Variants in ZFHX3 observed in about 807,000 individuals in gnomAD.
The protein encoded by ZFHX3 is zinc finger homeobox protein 3.
In ZFHX3, 42 loss-of-function variants were observed where a neutral mutation model predicts 279.1. The observed-to-expected ratio is 0.15, with a 90% CI of 0.12 to 0.19. The LOEUF (loss-of-function observed/expected upper bound fraction) is 0.19, where lower values mean the gene tolerates loss of function less well. Ranked by LOEUF, ZFHX3 falls within the 10% of genes least tolerant of loss-of-function variation. The pLI, the probability that ZFHX3 is intolerant of heterozygous loss-of-function variation, is 1.00. For synonymous variants in ZFHX3, 2,293 were observed against 1,957.8 expected (o/e 1.17, Z -4.52); for missense variants, 4,981 against 4,754.0 (o/e 1.05, Z -1.40).
At chr16:73,017,001 G>A (rs1012372675) in intron 1 of ZFHX3, among the ~76,000 whole-genome samples, 1 of 151,978 alleles carries the variant, frequency 6.6e-6, no homozygotes, top group Admixed American at 6.5e-5. Flanking sequence ...CAAGGTGGAA[G>A]GTTCACTTGA....
chr16:72,805,020 C>T (rs1056473834), intron 7 of ZFHX3, among the ~76,000 whole-genome samples: 4 of 152,082 alleles, frequency 2.6e-5, no homozygotes, highest in Non-Finnish European at 4.4e-5. Context: ...CTCTGTTGCC[C>T]AGGCTGAAGT....
chr16:72,983,859 C>T (rs1411122547), intron 1 of ZFHX3, among the ~76,000 whole-genome samples: 1 of 152,220 alleles, frequency 6.6e-6, no homozygotes, highest in Non-Finnish European at 1.5e-5. Context: ...AGTGTGGGTA[C>T]AGGGTAAGGC....
intron 1 of ZFHX3, among the ~76,000 whole-genome samples, chr16:73,704,018 A>G (rs2053278308): frequency 6.6e-6 from 1 of 152,194 alleles, no homozygotes; most frequent in Non-Finnish European, 1.5e-5. Context: ...AAGTGTAGAC[A>G]TCTGTAGATG....
At position 73,354,452 on chromosome 16, in the gene ZFHX3, G is replaced by A. The variant is rs571045977; in HGVS notation, c.-1290-36116C>T. Among the ~76,000 whole-genome samples, 3 of 152,280 alleles carry A rather than the reference G, an allele frequency of 2.0e-5. No homozygotes were observed. In the South Asian group the frequency reaches 6.2e-4, roughly 32 times the overall value. ...CCCGAGTAGAATCTCAGGCATGTAC[G>A]ATGACTGCCCAGCTCTGTGCTGGGG... is the stretch of plus-strand genomic sequence containing the variant. On this transcript the variant is annotated intron_variant, in intron 3 of 17. Coordinates refer to the ZFHX3 transcript ENST00000641206.
intron 1 of ZFHX3, among the ~76,000 whole-genome samples, chr16:73,701,667 TA>T (rs530186087): frequency 6.6e-6 from 1 of 152,332 alleles, no homozygotes; most frequent in Admixed American, 6.5e-5. Context: ...AATTTAATTA[TA>T]AACGCCTTTG....
chr16:72,819,940 A>C (rs1279924180), intron 5 of ZFHX3, among the ~76,000 whole-genome samples: 1 of 152,226 alleles, frequency 6.6e-6, no homozygotes, highest in Non-Finnish European at 1.5e-5. Flanking sequence ...AGCCTCTGTG[A>C]AAAGAGGGCA....
chr16:73,371,391 ATTT>A (rs939214006), intron 3 of ZFHX3, among the ~76,000 whole-genome samples: 2 of 150,908 alleles, frequency 1.3e-5, no homozygotes, highest in African/African-American at 4.9e-5. Flanking sequence ...CCAATTTTTT[ATTT>A]TATTTTTTGA....
intron 3 of ZFHX3, among the ~76,000 whole-genome samples, chr16:72,913,529 T>C (rs1337343591): frequency 6.6e-6 from 1 of 152,186 alleles, no homozygotes; most frequent in African/African-American, 2.4e-5. Flanking sequence ...CATCAGGGGC[T>C]ATGTGACATC....
chr16:72,796,823 G>A lies in ZFHX3; in HGVS notation c.5859C>T (p.Gly1953=). The A allele has an allele frequency of 6.8e-6, 11 of 1,613,388 alleles. No individual in the cohort carries two copies. Among genetic ancestry groups the A allele is most frequent in the Non-Finnish European group, 8.5e-6 (10 of 1,179,912 alleles). Residue 1953 remains glycine, a synonymous_variant, in exon 9 of 10, where the codon GGC becomes GGT. Coordinates refer to ENST00000268489, the MANE Select transcript of ZFHX3 (RefSeq NM_006885.4). ...NATKALLENF[G]FELVIQYNEN... ...CATTATACTGGATGACCAACTCAAA[G>A]CCAAAGTTCTCCAGCAGGGCCTTGG...
intron 1 of ZFHX3, among the ~76,000 whole-genome samples, chr16:73,875,220 A>T (rs1897286024): frequency 6.6e-6 from 1 of 152,206 alleles, no homozygotes; most frequent in African/African-American, 2.4e-5. Context: ...TCTGAGGAAT[A>T]ATCAGCCATT....
intron 1 of ZFHX3, among the ~76,000 whole-genome samples, chr16:73,038,897 A>T (rs1015391963): frequency 6.6e-6 from 1 of 151,874 alleles, no homozygotes; most frequent in African/African-American, 2.4e-5. Context: ...TCCTGGGCTC[A>T]AGCAATCCAC....
Position 73,448,212 on chromosome 16 carries a change from GATA to G in ZFHX3, c.-1291+7788_-1291+7790del, listed in dbSNP as rs147309648. ...CAAAAGATTATACATTAAGGTTGAGGATAATAACTTTAAAAAGGGAATGAGGTA... is the reference window on the plus strand; with the variant it reads ...CAAAAGATTATACATTAAGGTTGAGGATAACTTTAAAAAGGGAATGAGGTA... On this transcript the variant is annotated intron_variant, in intron 3 of 17. Transcript: ENST00000641206. Among the ~76,000 whole-genome samples, 498 of 152,214 alleles carry G rather than the reference GATA, an allele frequency of 3.3e-3. 3 individuals are homozygous for G. The highest frequency in any genetic ancestry group is 0.011 in the African/African-American group (467 of 41,518).
At chr16:72,843,997 T>C (rs1218141969) in intron 4 of ZFHX3, among the ~76,000 whole-genome samples, 1 of 151,900 alleles carries the variant, frequency 6.6e-6, no homozygotes, top group Non-Finnish European at 1.5e-5. Context: ...CAGCTCTCTC[T>C]CCCCCTCTCC....
intron 4 of ZFHX3, among the ~76,000 whole-genome samples, chr16:72,873,310 A>G (rs1224121274): frequency 2.0e-5 from 3 of 152,248 alleles, no homozygotes; most frequent in Non-Finnish European, 4.4e-5. Context: ...TGAAGGGGAA[A>G]GAATGCCTCT....
chr16:73,450,444 G>C (rs1480685426), intron 3 of ZFHX3, among the ~76,000 whole-genome samples: 1 of 150,042 alleles, frequency 6.7e-6, no homozygotes, highest in Non-Finnish European at 1.5e-5. Flanking sequence ...TAGCGGACAT[G>C]TGTCATTTTT....
chr16:73,816,609 AAAG>A (rs1960579406), intron 1 of ZFHX3, among the ~76,000 whole-genome samples: 1 of 144,140 alleles, frequency 6.9e-6, no homozygotes, highest in African/African-American at 2.7e-5. Flanking sequence ...AAGGCTGAAC[AAAG>A]AAGATTTTAA....
At chr16:73,284,316 C>CAAA (rs71156152) in intron 4 of ZFHX3, among the ~76,000 whole-genome samples, 320 of 82,964 alleles carry the variant, frequency 3.9e-3, no homozygotes, top group Non-Finnish European at 4.7e-3. Context: ...GACTCTGTCT[C>CAAA]AAAAAAAAAA....
chr16:73,417,988 C>CAAAAAA (rs71156161), intron 3 of ZFHX3, among the ~76,000 whole-genome samples: 18 of 57,826 alleles, frequency 3.1e-4, no homozygotes, highest in Admixed American at 1.4e-3. Context: ...GACTCCATCT[C>CAAAAAA]AAAAAAAAAA....
At chr16:73,248,278 T>C (rs1164468441) in intron 5 of ZFHX3, among the ~76,000 whole-genome samples, 3 of 151,916 alleles carry the variant, frequency 2.0e-5, no homozygotes, top group South Asian at 2.1e-4. Context: ...TGTTTGCATA[T>C]GTGTGTGTAT....
Sources: allele counts gnomAD v4.1 joint callset (sites outside exome capture counted in the v4.1 genomes callset), GRCh38; gene constraint gnomAD v4.1.1; transcripts MANE v1.5; gene names NCBI Gene and HGNC (gene_info 2026-07-23, HGNC 2026-07-21).